Variants in NEGR1 observed in about 807,000 individuals in gnomAD.
NEGR1 encodes the protein neuronal growth regulator 1, also known as IgLON family member 4.
A neutral mutation model predicts 40.9 loss-of-function variants in NEGR1; 10 were observed. The observed-to-expected ratio is 0.24, with a 90% confidence interval of 0.15 to 0.42. The LOEUF (loss-of-function observed/expected upper bound fraction) is 0.42, where lower values mean the gene tolerates loss of function less well. NEGR1 is among the 10% of genes least tolerant of loss of function. The pLI, the probability that NEGR1 is intolerant of heterozygous loss-of-function variation, is 1.00. For synonymous variants in NEGR1, 185 were observed against 166.8 expected (o/e 1.11, Z -0.84); for missense variants, 352 against 438.9 (o/e 0.80, Z 1.77).
intron 2 of NEGR1, among the ~76,000 whole-genome samples, chr1:71,852,292 C>T (rs1303758520): frequency 4.6e-5 from 7 of 152,046 alleles, no homozygotes; most frequent in Admixed American, 6.6e-5. Flanking sequence ...GTTGACAAGC[C>T]GGCAGCTTGC....
intron 1 of NEGR1, among the ~76,000 whole-genome samples, chr1:72,103,505 ACTTCTCTG>A (rs1050377813): frequency 1.3e-5 from 2 of 152,024 alleles, no homozygotes; most frequent in Non-Finnish European, 2.9e-5. Flanking sequence ...ATGCTTCTTG[ACTTCTCTG>A]CTTATTCACA....
At chr1:72,072,807 C>T (rs909788337) in intron 1 of NEGR1, among the ~76,000 whole-genome samples, 1 of 152,090 alleles carries the variant, frequency 6.6e-6, no homozygotes, top group African/African-American at 2.4e-5. Context: ...TCTGCCAATG[C>T]GGTCTCATTC....
At chr1:71,846,810 C>T (rs1659430431) in intron 2 of NEGR1, among the ~76,000 whole-genome samples, 1 of 152,130 alleles carries the variant, frequency 6.6e-6, no homozygotes, top group South Asian at 2.1e-4. Flanking sequence ...AAACAAGCTT[C>T]CTTGTGCCTC....
intron 6 of NEGR1, among the ~76,000 whole-genome samples, chr1:71,520,148 C>A (rs902603908): frequency 2.0e-5 from 3 of 152,054 alleles, no homozygotes; most frequent in Non-Finnish European, 4.4e-5. Flanking sequence ...CTTATTAGCT[C>A]TCTCAGCTTC....
intron 2 of NEGR1, among the ~76,000 whole-genome samples, chr1:71,797,354 C>T (rs1657376538): frequency 6.6e-6 from 1 of 152,102 alleles, no homozygotes; most frequent in Non-Finnish European, 1.5e-5. Flanking sequence ...TGCTTGCTCA[C>T]AAGGATCTAA....
chr1:71,439,871 C>T (rs966563148), intron 6 of NEGR1: 1 of 151,588 alleles, frequency 6.6e-6, no homozygotes, highest in Admixed American at 6.6e-5. Flanking sequence ...TTTTATTTCT[C>T]TCATATATAT....
At chr1:72,054,850 G>T (rs960314500) in intron 1 of NEGR1, among the ~76,000 whole-genome samples, 1 of 151,190 alleles carries the variant, frequency 6.6e-6, no homozygotes, top group African/African-American at 2.4e-5. Context: ...AGTAGTCTGT[G>T]ATTCTAATAT....
Position 71,405,291 on chromosome 1 carries a change from T to C in NEGR1, c.*2155A>G, listed in dbSNP as rs201451487. 3.3e-5 allele frequency: 5 copies of C among 152,392 alleles called. No individual in the cohort carries two copies. In the East Asian group the frequency reaches 9.7e-4, roughly 29 times the overall value. The allele number at this position is 152,392 out of a possible 1,614,324, so 9.4% of individuals were successfully genotyped here. A position where few individuals can be genotyped will look rare whatever the true frequency, so the allele number is the denominator to read the frequency against. ...CTCTAGGAAAGCGGTCACTGAATAATATGCATTCTTGATCTGTTTCTTTCT... is the reference window on the plus strand; with the variant it reads ...CTCTAGGAAAGCGGTCACTGAATAACATGCATTCTTGATCTGTTTCTTTCT... On this transcript the variant is annotated 3_prime_UTR_variant, in exon 7 of 7. Transcript: ENST00000357731.
At chr1:72,224,041 CTGA>C (rs1305911844) in intron 1 of NEGR1, among the ~76,000 whole-genome samples, 2 of 152,050 alleles carry the variant, frequency 1.3e-5, no homozygotes, top group Non-Finnish European at 2.9e-5. Flanking sequence ...ATTCATTATG[CTGA>C]TAAGTGACAA....
chr1:71,830,995 C>T (rs1427496928), intron 2 of NEGR1, among the ~76,000 whole-genome samples: 1 of 151,824 alleles, frequency 6.6e-6, no homozygotes, highest in Non-Finnish European at 1.5e-5. Context: ...ATATGTTAAA[C>T]TGTTAGATTA....
At chr1:72,045,653 T>C (rs1423617126) in intron 1 of NEGR1, among the ~76,000 whole-genome samples, 1 of 151,838 alleles carries the variant, frequency 6.6e-6, no homozygotes, top group Non-Finnish European at 1.5e-5. Flanking sequence ...TGTGGAACTG[T>C]AAATTCAATA....
intron 6 of NEGR1, among the ~76,000 whole-genome samples, chr1:71,469,483 A>C (rs936555233): frequency 6.6e-6 from 1 of 152,104 alleles, no homozygotes; most frequent in African/African-American, 2.4e-5. Context: ...AAAATCTTCC[A>C]GCTGAATTTA....
chr1:72,193,200 T>C (rs1652880690), intron 1 of NEGR1, among the ~76,000 whole-genome samples: 1 of 151,844 alleles, frequency 6.6e-6, no homozygotes, highest in South Asian at 2.1e-4. Context: ...GTTTTGTCGA[T>C]GTCACCAAGG....
chr1:72,047,144 T>A (rs760424728), intron 1 of NEGR1, among the ~76,000 whole-genome samples: 1 of 151,496 alleles, frequency 6.6e-6, no homozygotes, highest in African/African-American at 2.4e-5. Context: ...GTTTTGTTTT[T>A]TTTTTGTGCC....
At chr1:71,802,438 C>T (rs1238619082) in intron 2 of NEGR1, among the ~76,000 whole-genome samples, 1 of 152,116 alleles carries the variant, frequency 6.6e-6, no homozygotes, top group Non-Finnish European at 1.5e-5. Context: ...GAAAGTATGA[C>T]CTTGAAGGTA....
At chr1:71,906,871 G>C (rs1161562244) in intron 2 of NEGR1, among the ~76,000 whole-genome samples, 2 of 152,096 alleles carry the variant, frequency 1.3e-5, no homozygotes, top group African/African-American at 2.4e-5. Context: ...ACTTAACCTA[G>C]CCTGAGGGAC....
chr1:71,468,949 C>G (rs1357204599), intron 6 of NEGR1: 1 of 151,980 alleles, frequency 6.6e-6, no homozygotes, highest in Non-Finnish European at 1.5e-5. Context: ...GTAAAACTCT[C>G]AAATTCTTTT....
intron 3 of NEGR1, among the ~76,000 whole-genome samples, chr1:71,741,780 G>T (rs947869245): frequency 6.6e-6 from 1 of 152,114 alleles, no homozygotes; most frequent in Non-Finnish European, 1.5e-5. Flanking sequence ...TTCTGGGGAG[G>T]CCTCAGGAAA....
chr1:71,836,505 C>T (rs1373666128), intron 2 of NEGR1, among the ~76,000 whole-genome samples: 5 of 144,976 alleles, frequency 3.4e-5, no homozygotes, highest in African/African-American at 5.0e-5. Context: ...TATATGAAGT[C>T]GGTACTCTTA....
Sources: allele counts gnomAD v4.1 joint callset (sites outside exome capture counted in the v4.1 genomes callset), GRCh38; gene constraint gnomAD v4.1.1; transcripts MANE v1.5; gene names NCBI Gene and HGNC (gene_info 2026-07-23, HGNC 2026-07-21).